Variants in GRID1 observed in about 807,000 individuals in gnomAD.
The protein encoded by GRID1 is glutamate receptor ionotropic, delta-1.
Under a neutral mutation model 98.0 loss-of-function variants are expected in GRID1, and 28 were observed. That is an observed-to-expected ratio of 0.29 (90% confidence interval 0.21 to 0.39). The LOEUF is 0.39. Ranked by LOEUF, GRID1 falls within the 10% of genes least tolerant of loss-of-function variation. GRID1 has a pLI of 1.00. For synonymous variants in GRID1, 553 were observed against 538.5 expected, an observed-to-expected ratio of 1.03 and a Z score of -0.37; for missense variants, 1,111 against 1,340.5, an observed-to-expected ratio of 0.83 and a Z score of 2.67.
chr10:85,782,363 C>T (rs74379679), intron 8 of GRID1, among the ~76,000 whole-genome samples: 5,028 of 152,274 alleles, frequency 0.033, 129 homozygotes, highest in Middle Eastern at 0.048. Flanking sequence ...TCATTGTCTA[C>T]TGACAGCTTG....
intron 3 of GRID1, among the ~76,000 whole-genome samples, chr10:86,167,332 GC>G (rs1174575847): frequency 1.3e-5 from 2 of 152,206 alleles, no homozygotes; most frequent in Admixed American, 1.3e-4. Context: ...CTGAGTGCAG[GC>G]CCCACCAAGA....
chr10:85,736,139 GAGAA>G (rs1486132384), intron 8 of GRID1, among the ~76,000 whole-genome samples: 1 of 130,498 alleles, frequency 7.7e-6, no homozygotes, highest in African/African-American at 2.9e-5. Context: ...AAAGGAAGGA[GAGAA>G]GGAAGGAAGG....
At chr10:86,265,094 C>T (rs1847083936) in intron 2 of GRID1, among the ~76,000 whole-genome samples, 1 of 152,376 alleles carries the variant, frequency 6.6e-6, no homozygotes, top group Non-Finnish European at 1.5e-5. Flanking sequence ...GGCTACTCAT[C>T]CTTTCTGAGC....
intron 5 of GRID1, among the ~76,000 whole-genome samples, chr10:85,884,297 C>T (rs1333182669): frequency 1.3e-5 from 2 of 152,156 alleles, no homozygotes; most frequent in East Asian, 3.8e-4. Flanking sequence ...TTCTTTAGCT[C>T]ATGACCCTGG....
At chr10:85,982,908 T>A (rs1842563075) in intron 4 of GRID1, among the ~76,000 whole-genome samples, 1 of 152,158 alleles carries the variant, frequency 6.6e-6, no homozygotes, top group Non-Finnish European at 1.5e-5. Flanking sequence ...AAGAACCTCT[T>A]AAATCAAGAC....
intron 4 of GRID1, among the ~76,000 whole-genome samples, chr10:86,125,001 T>C (rs535312707): frequency 6.6e-6 from 1 of 152,288 alleles, no homozygotes; most frequent in East Asian, 1.9e-4. Context: ...GGAGCAATCA[T>C]AAGATGAGGT....
At chr10:85,707,174 C>T (rs1478006285) in intron 12 of GRID1, among the ~76,000 whole-genome samples, 1 of 152,086 alleles carries the variant, frequency 6.6e-6, no homozygotes, top group East Asian at 1.9e-4. Context: ...AGTGAACAGG[C>T]AACCTACAAA....
At chr10:85,634,046 C>T (rs1230843046) in intron 13 of GRID1, among the ~76,000 whole-genome samples, 1 of 151,994 alleles carries the variant, frequency 6.6e-6, no homozygotes, top group Non-Finnish European at 1.5e-5. Context: ...TGGTGCATGC[C>T]TATAATCCCA....
intron 2 of GRID1, among the ~76,000 whole-genome samples, chr10:86,249,840 T>G (rs1308529260): frequency 2.0e-5 from 3 of 152,210 alleles, no homozygotes; most frequent in Non-Finnish European, 4.4e-5. Context: ...CAATCCCCAG[T>G]TCCTGGTACA....
At chr10:86,243,616 G>A (rs1278827246) in intron 2 of GRID1, among the ~76,000 whole-genome samples, 4 of 152,200 alleles carry the variant, frequency 2.6e-5, no homozygotes, top group Admixed American at 2.6e-4. Context: ...AGGCCCTGGA[G>A]AAAGAGTGTC....
chr10:85,859,781 C>T (rs372921281), intron 6 of GRID1, among the ~76,000 whole-genome samples: 40 of 152,262 alleles, frequency 2.6e-4, no homozygotes, highest in African/African-American at 7.9e-4. Context: ...CTCACTGAGA[C>T]GACCTACTTT....
At chr10:85,895,880 C>T (rs1841286497) in intron 5 of GRID1, among the ~76,000 whole-genome samples, 2 of 152,008 alleles carry the variant, frequency 1.3e-5, no homozygotes, top group African/African-American at 2.4e-5. Context: ...TATAAAAGGG[C>T]CACAAGAGTC....
At chr10:85,961,101 T>A (rs1359385797) in intron 4 of GRID1, among the ~76,000 whole-genome samples, 2 of 152,106 alleles carry the variant, frequency 1.3e-5, no homozygotes, top group Non-Finnish European at 2.9e-5. Context: ...CAGTACATCC[T>A]AAGCCCAGAT....
In GRID1 at chr10:86,206,268, C is replaced by T; in HGVS notation, c.520+96G>A. The T allele has an allele frequency of 8.1e-7, 1 of 1,235,150 alleles. No homozygotes were observed. The highest frequency in any genetic ancestry group is 2.4e-5 in the East Asian group (1 of 40,850). 76.5% of individuals were successfully genotyped at this position (1,235,150 alleles called of 1,614,324 possible). Reference sequence around the variant, plus strand: ...TGGAGGCCCACTCAGCACAGACCACCCCTGACCGGTCCAGGGCCCCACCCA... The same window carrying T: ...TGGAGGCCCACTCAGCACAGACCACTCCTGACCGGTCCAGGGCCCCACCCA... On this transcript the variant is annotated intron_variant, in intron 3 of 15. Coordinates refer to ENST00000327946, the MANE Select transcript of GRID1 (RefSeq NM_017551.3). The surrounding 1 kb of genome is among the most constrained non-coding windows in gnomAD (Gnocchi z 4.1).
At chr10:85,667,323 AGAG>A (rs1328340037) in intron 12 of GRID1, among the ~76,000 whole-genome samples, 19 of 151,658 alleles carry the variant, frequency 1.3e-4, no homozygotes, top group African/African-American at 4.6e-4. Flanking sequence ...ACACAGAGAG[AGAG>A]AGAGAGAGAG....
At chr10:85,899,568 C>T (rs1388883608) in intron 5 of GRID1, among the ~76,000 whole-genome samples, 2 of 152,114 alleles carry the variant, frequency 1.3e-5, no homozygotes, top group Non-Finnish European at 2.9e-5. Flanking sequence ...TCTTGCCATC[C>T]CTTTAATTGG....
At chr10:85,922,395 G>A (rs1289140935) in intron 4 of GRID1, among the ~76,000 whole-genome samples, 2 of 152,262 alleles carry the variant, frequency 1.3e-5, no homozygotes, top group South Asian at 4.2e-4. Context: ...CATCCCTGAG[G>A]ATTTATTTTA....
At chr10:86,024,794 T>G (rs1843095345) in intron 4 of GRID1, among the ~76,000 whole-genome samples, 1 of 152,146 alleles carries the variant, frequency 6.6e-6, no homozygotes, top group South Asian at 2.1e-4. Context: ...TGGTCCAGCA[T>G]GCAAGGGTCT....
chr10:85,983,634 C>T (rs1034195829), intron 4 of GRID1, among the ~76,000 whole-genome samples: 1 of 152,176 alleles, frequency 6.6e-6, no homozygotes, highest in Admixed American at 6.5e-5. Context: ...GTTGCCCATC[C>T]TCTCCTGGGC....
Sources: gnomAD v4.1 joint callset for allele counts (sites outside exome capture counted in the v4.1 genomes callset) on GRCh38, gnomAD v4.1.1 for gene constraint, Gnocchi (gnomAD v3.1) non-coding constraint, MANE v1.5 for transcripts, NCBI Gene and HGNC (gene_info 2026-07-23, HGNC 2026-07-21) for gene names.